Variants in NXPE2 observed in about 807,000 individuals in gnomAD.
NXPE2 encodes NXPE family member 2.
In NXPE2, 34 loss-of-function variants were observed where a neutral mutation model predicts 34.4. The ratio of observed to expected loss-of-function variants is 0.99; its 90% CI spans 0.75 to 1.31. NXPE2 has a LOEUF of 1.31. Among genes scored for constraint, NXPE2 ranks in the 40% most tolerant of loss-of-function variants. The pLI, the probability that NXPE2 is intolerant of heterozygous loss-of-function variation, is 0.00. For missense variants in NXPE2, 649 were observed against 672.5 expected (o/e 0.97, Z 0.39); for synonymous variants, 235 against 231.3 (o/e 1.02, Z -0.15).
chr11:114,632,922 T>C, the NXPE2 span, among the ~76,000 whole-genome samples: 1 of 89,860 alleles, frequency 1.1e-5, no homozygotes, highest in Non-Finnish European at 2.0e-5. Flanking sequence ...ATATTTTATA[T>C]AATTATATAA....
At chr11:114,601,644 TA>T in the NXPE2 span, among the ~76,000 whole-genome samples, 1 of 76,300 alleles carries the variant, frequency 1.3e-5, no homozygotes, top group Non-Finnish European at 2.3e-5. Flanking sequence ...TAATTATATA[TA>T]ATTATATATT....
chr11:114,758,614 T>A, the NXPE2 span, among the ~76,000 whole-genome samples: 1 of 152,134 alleles, frequency 6.6e-6, no homozygotes, highest in African/African-American at 2.4e-5. Flanking sequence ...GAGCTTGGGC[T>A]TTGGAGATCT....
the NXPE2 span, among the ~76,000 whole-genome samples, chr11:114,543,532 A>T: frequency 6.6e-6 from 1 of 151,702 alleles, no homozygotes; most frequent in African/African-American, 2.4e-5. Context: ...AAAAAAAAAA[A>T]ATCTTTTTAG....
At chr11:114,496,500 G>A in the NXPE2 span, among the ~76,000 whole-genome samples, 36 of 152,048 alleles carry the variant, frequency 2.4e-4, no homozygotes, top group African/African-American at 8.5e-4. Flanking sequence ...TGGTTCTTTA[G>A]GTTCTTTATT....
At chr11:114,470,831 A>G in the NXPE2 span, among the ~76,000 whole-genome samples, 3 of 152,122 alleles carry the variant, frequency 2.0e-5, no homozygotes, top group Admixed American at 2.0e-4. Context: ...AGGTCTATCT[A>G]CGTTATGGAG....
the NXPE2 span, among the ~76,000 whole-genome samples, chr11:114,785,389 CAACTCA>C: frequency 1.3e-5 from 2 of 152,144 alleles, no homozygotes; most frequent in African/African-American, 4.8e-5. Flanking sequence ...ACCATGCTGA[CAACTCA>C]AACTCAATTG....
chr11:114,718,854 C>T, the NXPE2 span, among the ~76,000 whole-genome samples: 15 of 152,242 alleles, frequency 9.9e-5, no homozygotes, highest in African/African-American at 3.6e-4. Flanking sequence ...TGGTGTCTCC[C>T]TAAAATTCTT....
At chr11:114,757,810 A>T in the NXPE2 span, among the ~76,000 whole-genome samples, 1 of 152,212 alleles carries the variant, frequency 6.6e-6, no homozygotes, top group African/African-American at 2.4e-5. Flanking sequence ...CAGAGATGAG[A>T]TAAAACAAAT....
At chr11:114,582,564 C>T in the NXPE2 span, 7 of 1,614,180 alleles carry the variant, frequency 4.3e-6, no homozygotes, top group South Asian at 1.1e-5. Context: ...CACCCCTTCA[C>T]TGGGGTGGAT....
At chr11:114,725,877 T>C in the NXPE2 span, among the ~76,000 whole-genome samples, 1 of 151,086 alleles carries the variant, frequency 6.6e-6, no homozygotes, top group African/African-American at 2.4e-5. Flanking sequence ...ATTCCCCAGT[T>C]AAGTTCTCCT....
intron 2 of NXPE2, among the ~76,000 whole-genome samples, chr11:114,697,625 A>G (rs1349140346): frequency 6.6e-6 from 1 of 152,212 alleles, no homozygotes; most frequent in Non-Finnish European, 1.5e-5. Flanking sequence ...TTCCTCCAAC[A>G]GCAGTGGAAT....
intron 2 of NXPE2, among the ~76,000 whole-genome samples, chr11:114,693,451 G>A (rs1051955037): frequency 4.6e-5 from 7 of 152,102 alleles, no homozygotes; most frequent in East Asian, 1.9e-4. Context: ...ATTATGGACC[G>A]GACCGCTGCC....
chr11:114,698,011 T>C, intron 2 of NXPE2, 34 bp from the exon 3 acceptor site: 2 of 1,443,546 alleles, frequency 1.4e-6, no homozygotes, highest in Non-Finnish European at 1.8e-6. Context: ...TATTGTTTGC[T>C]GATGATATTT....
the NXPE2 span, among the ~76,000 whole-genome samples, chr11:114,594,226 G>GAATA: frequency 6.6e-6 from 1 of 152,074 alleles, no homozygotes; most frequent in African/African-American, 2.4e-5. Context: ...TTGAGGCAAT[G>GAATA]AATACCCCAT....
At chr11:114,566,772 A>G in the NXPE2 span, among the ~76,000 whole-genome samples, 1 of 152,178 alleles carries the variant, frequency 6.6e-6, no homozygotes, top group Non-Finnish European at 1.5e-5. Flanking sequence ...CATTCTATAT[A>G]CCCACATATA....
chr11:114,622,349 C>T, the NXPE2 span, among the ~76,000 whole-genome samples: 1 of 152,180 alleles, frequency 6.6e-6, no homozygotes, highest in Non-Finnish European at 1.5e-5. Flanking sequence ...TAAGTGTTGC[C>T]TCGTGGGTAA....
chr11:114,488,044 C>T, the NXPE2 span, among the ~76,000 whole-genome samples: 1 of 151,956 alleles, frequency 6.6e-6, no homozygotes, highest in Non-Finnish European at 1.5e-5. Flanking sequence ...GTATTCTAAC[C>T]TCCTTTATTT....
At chr11:114,523,513 G>A in the NXPE2 span, among the ~76,000 whole-genome samples, 18 of 151,974 alleles carry the variant, frequency 1.2e-4, no homozygotes, top group East Asian at 7.7e-4. Context: ...TAATTTTTCC[G>A]TGTTCAAAAA....
chr11:114,761,740 A>G, the NXPE2 span, among the ~76,000 whole-genome samples: 17 of 148,892 alleles, frequency 1.1e-4, no homozygotes, highest in African/African-American at 4.2e-4. Context: ...CGCCCGGCTA[A>G]TTTTTTTGTA....
Sources: allele counts gnomAD v4.1 joint callset (sites outside exome capture counted in the v4.1 genomes callset), GRCh38; gene constraint gnomAD v4.1.1; transcripts MANE v1.5; gene names NCBI Gene and HGNC (gene_info 2026-07-23, HGNC 2026-07-21).